Variants in AKT1 observed in about 807,000 individuals in gnomAD.
AKT1 encodes AKT serine/threonine kinase 1, also known as RAC-alpha serine/threonine-protein kinase.
A neutral mutation model predicts 63.1 loss-of-function variants in AKT1; 21 were observed. The observed-to-expected ratio is 0.33, with a 90% CI of 0.24 to 0.48. AKT1 has a LOEUF of 0.48. Ranked by LOEUF, AKT1 falls within the 20% of genes least tolerant of loss-of-function variation. The pLI is 0.99. For synonymous variants in AKT1, 257 were observed against 253.1 expected (o/e 1.02, Z -0.15); for missense variants, 382 against 666.0 (o/e 0.57, Z 4.69).
intron 3 of AKT1, among the ~76,000 whole-genome samples, chr14:104,788,131 C>T (rs2140989872): frequency 6.6e-6 from 1 of 152,320 alleles, no homozygotes; most frequent in South Asian, 2.1e-4. Flanking sequence ...TCCAGACCCT[C>T]AACGCTCCCC....
intron 1 of AKT1, chr14:104,793,646 C>A (rs554049991): frequency 5.3e-5 from 9 of 169,224 alleles, no homozygotes; most frequent in Non-Finnish European, 9.0e-5. Flanking sequence ...ACTGGACAGG[C>A]CCCCGCCCTG....
rs757639898 is a variant in AKT1 at position 104,775,082 on chromosome 14, C to A, written c.561G>T (p.Val187=). The A allele has an allele frequency of 3.1e-6, 5 of 1,613,992 alleles. No individual in the cohort carries two copies. The Admixed American group carries it at 8.3e-5, about 27-fold the overall frequency. ...AMKILKKEVI[V]AKDEVAHTLT... is the part of the protein sequence containing the mutation. ...CCCACCGCCCCGGCCCCACCTTGGC[C>A]ACGATGACTTCCTTCTTGAGGATCT... Residue 187 remains valine, a synonymous_variant, in exon 7 of 15, where the codon GTG becomes GTT. Coordinates refer to ENST00000649815, the MANE Select transcript of AKT1 (RefSeq NM_001382430.1).
intron 3 of AKT1, among the ~76,000 whole-genome samples, chr14:104,787,241 C>T (rs2140986883): frequency 6.6e-6 from 1 of 152,300 alleles, no homozygotes; most frequent in Admixed American, 6.5e-5. Context: ...GAAGGGAACT[C>T]CCGTTGGAGA....
chr14:104,794,205 T>G (rs1057413256), intron 1 of AKT1: 2 of 152,256 alleles, frequency 1.3e-5, no homozygotes, highest in African/African-American at 4.8e-5. Context: ...AGGGCAGGGC[T>G]CCGAGCCGCG....
At chr14:104,782,904 G>A (rs981937215) in intron 3 of AKT1, among the ~76,000 whole-genome samples, 8 of 152,154 alleles carry the variant, frequency 5.3e-5, no homozygotes, top group Admixed American at 5.2e-4. Context: ...GGTGCCAGCT[G>A]CAGCCAGGGC....
chr14:104,779,262 C>T lies in AKT1; in HGVS notation c.175+826G>A, dbSNP rs867392844. On this transcript the variant is annotated intron_variant, in intron 4 of 14. Transcript: ENST00000649815. ...GTGGGATGCTCCGGCCAAGGTCCCC[C>T]GCTGGCCTTTCTGCACCTGCCCCTC... Among the ~76,000 whole-genome samples the T allele has an allele frequency of 9.8e-5, 15 of 152,370 alleles. 1 individual carries two copies. The South Asian group carries it at 2.1e-3, about 21-fold the overall frequency.
intron 3 of AKT1, among the ~76,000 whole-genome samples, chr14:104,791,058 C>A (rs1003481383): frequency 6.6e-6 from 1 of 152,202 alleles, no homozygotes; most frequent in African/African-American, 2.4e-5. Context: ...CTCGGGGGAG[C>A]ACTCCTGCCT....
chr14:104,792,419 G>A (rs1032323110), intron 3 of AKT1, among the ~76,000 whole-genome samples, 179 bp downstream of exon 3: 4 of 152,098 alleles, frequency 2.6e-5, no homozygotes, highest in African/African-American at 7.2e-5. Flanking sequence ...TGGCCTCCCC[G>A]AGGCCGTGCC....
At chr14:104,774,003 C>T in intron 8 of AKT1, 23 bp from the exon 9 acceptor site, 1 of 1,607,086 alleles carries the variant, frequency 6.2e-7, no homozygotes, top group Non-Finnish European at 8.5e-7. Flanking sequence ...GGAGCTGGAA[C>T]TGCGGCCCCA....
At chr14:104,774,259 C>G (rs1595243890) in intron 8 of AKT1, 1 of 506,786 alleles carries the variant, frequency 2.0e-6, no homozygotes, top group East Asian at 3.4e-5. Context: ...CACCACACTG[C>G]CTCATGCCAC....
chr14:104,782,933 G>A (rs1039179943), intron 3 of AKT1, among the ~76,000 whole-genome samples: 12 of 152,132 alleles, frequency 7.9e-5, no homozygotes, highest in Admixed American at 2.6e-4. Flanking sequence ...GCATCTTAAC[G>A]AGTTCAGCCC....
chr14:104,780,635 A>G (rs1892978190), intron 3 of AKT1, among the ~76,000 whole-genome samples: 1 of 152,208 alleles, frequency 6.6e-6, no homozygotes, highest in Non-Finnish European at 1.5e-5. Context: ...CGGGGCTGAC[A>G]GCATTCCCCA....
intron 4 of AKT1, among the ~76,000 whole-genome samples, chr14:104,779,658 C>T (rs1319577984): frequency 2.0e-4 from 30 of 148,916 alleles, no homozygotes; most frequent in Non-Finnish European, 2.1e-4. Flanking sequence ...CAGGACTCTG[C>T]CCAGAAACCC....
intron 5 of AKT1, 71 bp from the exon 6 acceptor site, chr14:104,775,870 C>T (rs1247959340): frequency 8.4e-6 from 13 of 1,543,258 alleles, no homozygotes; most frequent in Middle Eastern, 1.7e-4. Context: ...TTCACCCACC[C>T]GCCAGCCTCA....
intron 3 of AKT1, among the ~76,000 whole-genome samples, chr14:104,788,409 G>A (rs774262971): frequency 2.0e-5 from 3 of 152,190 alleles, no homozygotes; most frequent in Non-Finnish European, 4.4e-5. Context: ...TAGCCCTGCG[G>A]GGCCCTCCGC....
intron 14 of AKT1, 70 bp downstream of exon 14, chr14:104,770,675 C>G: frequency 7.1e-7 from 1 of 1,415,198 alleles, no homozygotes; most frequent in Non-Finnish European, 9.9e-7. Context: ...GCCAAAAAAG[C>G]TGAACACTGC....
At chr14:104,785,445 C>T (rs1369690783) in intron 3 of AKT1, among the ~76,000 whole-genome samples, 1 of 152,220 alleles carries the variant, frequency 6.6e-6, no homozygotes, top group African/African-American at 2.4e-5. Context: ...ACAAGCCCTT[C>T]TGAGGGGGCA....
intron 1 of AKT1, chr14:104,793,907 C>A (rs998676733): frequency 6.6e-6 from 1 of 152,246 alleles, no homozygotes; most frequent in African/African-American, 2.4e-5. Flanking sequence ...AGGCAGAGAC[C>A]CCTGACGACC....
chr14:104,773,661 G>A (rs968336143), intron 9 of AKT1, 81 bp from the exon 10 acceptor site: 85 of 1,527,312 alleles, frequency 5.6e-5, no homozygotes, highest in Middle Eastern at 2.3e-4. Flanking sequence ...TTCTCAGACC[G>A]GGTCTCGGCA....
Sources: gnomAD v4.1 joint callset for allele counts (sites outside exome capture counted in the v4.1 genomes callset) on GRCh38, gnomAD v4.1.1 for gene constraint, MANE v1.5 for transcripts, NCBI Gene and HGNC (gene_info 2026-07-23, HGNC 2026-07-21) for gene names.